Variants in RGS21 observed in about 807,000 individuals in gnomAD.
RGS21 encodes regulator of G-protein signalling 21.
Under a neutral mutation model 18.7 loss-of-function variants are expected in RGS21, and 19 were observed. That is an observed-to-expected ratio of 1.01 (90% confidence interval 0.71 to 1.49). The LOEUF (loss-of-function observed/expected upper bound fraction) is 1.49, where lower values mean the gene tolerates loss of function less well. Ranked by LOEUF, RGS21 falls within the 40% of genes most tolerant of loss-of-function variation. The probability of loss-of-function intolerance (pLI) is 0.00; values close to 1 mark genes in which losing one functional copy is unlikely to be tolerated. For synonymous variants in RGS21, 56 were observed against 57.8 expected (o/e 0.97, Z 0.14); for missense variants, 194 against 176.8 (o/e 1.10, Z -0.55).
chr1:192,339,945 A>G (rs1346682408), intron 1 of RGS21, among the ~76,000 whole-genome samples: 1 of 151,994 alleles, frequency 6.6e-6, no homozygotes, highest in East Asian at 1.9e-4. Context: ...AATAAAACAT[A>G]TATTTATATT....
At chr1:192,321,379 C>T (rs2102220610) in intron 1 of RGS21, among the ~76,000 whole-genome samples, 1 of 151,856 alleles carries the variant, frequency 6.6e-6, no homozygotes. Flanking sequence ...TGATAAGTGC[C>T]TAATAAACTT....
chr1:192,348,259 C>T (rs1248552195), intron 3 of RGS21, among the ~76,000 whole-genome samples: 1 of 152,038 alleles, frequency 6.6e-6, no homozygotes, highest in African/African-American at 2.4e-5. Context: ...CTTCTGACCC[C>T]AGATGATCTG....
chr1:192,319,071 A>C (rs946060513), intron 1 of RGS21, among the ~76,000 whole-genome samples: 7 of 151,980 alleles, frequency 4.6e-5, no homozygotes, highest in Non-Finnish European at 4.4e-5. Flanking sequence ...CTGCACCCCC[A>C]TCTCTATAAA....
chr1:192,334,439 T>C (rs1245700324), intron 1 of RGS21, among the ~76,000 whole-genome samples: 1 of 152,214 alleles, frequency 6.6e-6, no homozygotes, highest in Admixed American at 6.5e-5. Flanking sequence ...TACTGAATTC[T>C]ATTTCAGGAA....
At chr1:192,326,432 T>C (rs969197439) in intron 1 of RGS21, among the ~76,000 whole-genome samples, 1 of 152,064 alleles carries the variant, frequency 6.6e-6, no homozygotes, top group African/African-American at 2.4e-5. Flanking sequence ...CTAAAAAATA[T>C]GGTTAATAAT....
intron 2 of RGS21, among the ~76,000 whole-genome samples, chr1:192,345,204 T>G (rs1352454496): frequency 6.6e-6 from 1 of 152,118 alleles, no homozygotes; most frequent in Non-Finnish European, 1.5e-5. Context: ...AAAACCTGTC[T>G]GTCCTTAAAG....
chr1:192,350,023 T>G (rs1457043654), intron 3 of RGS21, among the ~76,000 whole-genome samples: 1 of 152,198 alleles, frequency 6.6e-6, no homozygotes, highest in African/African-American at 2.4e-5. Flanking sequence ...AATTTCATCA[T>G]TGTTTGAACT....
intron 1 of RGS21, among the ~76,000 whole-genome samples, chr1:192,334,682 A>C (rs1393877639): frequency 3.3e-5 from 5 of 152,184 alleles, no homozygotes; most frequent in African/African-American, 9.6e-5. Context: ...AAAAGTTTAA[A>C]CAGACAGTAG....
chr1:192,346,782 C>A (rs1658948767), intron 2 of RGS21, among the ~76,000 whole-genome samples: 1 of 152,054 alleles, frequency 6.6e-6, no homozygotes, highest in Admixed American at 6.6e-5. Context: ...GAAATAAAGG[C>A]TGCCTCAGAG....
intron 1 of RGS21, among the ~76,000 whole-genome samples, chr1:192,324,613 GCA>G (rs3077773): frequency 0.32 from 48,995 of 150,872 alleles, 9,010 homozygotes; most frequent in African/African-American, 0.49. Context: ...GTGTGTGCGT[GCA>G]CACACACACA....
chr1:192,324,277 T>C (rs1417064579), intron 1 of RGS21, among the ~76,000 whole-genome samples: 2 of 152,092 alleles, frequency 1.3e-5, no homozygotes, highest in Non-Finnish European at 2.9e-5. Context: ...CTACAAGATA[T>C]TTAAACAATT....
At chr1:192,320,526 A>G (rs113990131) in intron 1 of RGS21, among the ~76,000 whole-genome samples, 4,057 of 147,398 alleles carry the variant, frequency 0.028, 81 homozygotes, top group Middle Eastern at 0.08. Context: ...GTATGTGTAT[A>G]TGTATGTGTA....
At chr1:192,363,417 T>C (rs988297964) in intron 4 of RGS21, among the ~76,000 whole-genome samples, 1 of 152,134 alleles carries the variant, frequency 6.6e-6, no homozygotes, top group Non-Finnish European at 1.5e-5. Context: ...AAATCACAGA[T>C]GATGCTGTTA....
intron 1 of RGS21, among the ~76,000 whole-genome samples, chr1:192,336,152 A>G (rs1658764294): frequency 6.6e-6 from 1 of 152,150 alleles, no homozygotes; most frequent in Non-Finnish European, 1.5e-5. Flanking sequence ...AGCACCACTA[A>G]TCAGAAGATC....
At chr1:192,325,698 T>C (rs1658560079) in intron 1 of RGS21, among the ~76,000 whole-genome samples, 1 of 152,072 alleles carries the variant, frequency 6.6e-6, no homozygotes, top group Admixed American at 6.6e-5. Context: ...TGTCTCTGAT[T>C]AGTGATGTTG....
chr1:192,336,673 A>C (rs1264974725), intron 1 of RGS21, among the ~76,000 whole-genome samples: 2 of 152,108 alleles, frequency 1.3e-5, no homozygotes, highest in African/African-American at 4.8e-5. Context: ...TATCCCTAAG[A>C]ATCAAGCCAG....
At chr1:192,351,825 G>A (rs1323287948) in intron 3 of RGS21, among the ~76,000 whole-genome samples, 1 of 146,714 alleles carries the variant, frequency 6.8e-6, no homozygotes, top group Non-Finnish European at 1.5e-5. Context: ...TGCTATATAT[G>A]TGTTATATAT....
rs376952850 is a variant in RGS21, at chr1:192,365,967, C to A, written c.302C>A (p.Ala101Asp). 12 of 1,610,770 alleles carry A rather than the reference C, an allele frequency of 7.4e-6. No homozygotes were observed. Among genetic ancestry groups the A allele is most frequent in the Non-Finnish European group, 9.3e-6 (11 of 1,177,530 alleles). Residue 101 changes from alanine (A) to aspartate (D), a missense_variant, in exon 5 of 5, where the codon GCT becomes GAT. Ala to Asp is a moderately radical substitution (Grantham distance 126). Coordinates refer to ENST00000417209, the MANE Select transcript of RGS21 (RefSeq NM_001039152.3). ...AGAGACCTCATCTCAAAGAATATTG[C>A]TGAACCAACACTCAAATGCTTTGAT... The part of the protein sequence containing the change: ...GTRDLISKNI[A>D]EPTLKCFDEA...
At chr1:192,348,173 A>G (rs1451572035) in intron 3 of RGS21, among the ~76,000 whole-genome samples, 1 of 151,632 alleles carries the variant, frequency 6.6e-6, no homozygotes, top group African/African-American at 2.4e-5. Flanking sequence ...CTACGGGAGC[A>G]TGCCACGACA....
Sources: allele counts gnomAD v4.1 joint callset (sites outside exome capture counted in the v4.1 genomes callset), GRCh38; gene constraint gnomAD v4.1.1; transcripts MANE v1.5; gene names NCBI Gene and HGNC (gene_info 2026-07-23, HGNC 2026-07-21).